MORC2: variants seen among roughly 807,000 people sequenced by gnomAD.
The protein encoded by MORC2 is MORC family CW-type zinc finger 2.
In MORC2, 30 loss-of-function variants were observed where a neutral mutation model predicts 136.0. The observed-to-expected ratio is 0.22, with a 90% CI of 0.17 to 0.30. MORC2 has a LOEUF of 0.30. MORC2 is among the 10% of genes least tolerant of loss of function. The pLI is 1.00. For synonymous variants in MORC2, 439 were observed against 487.0 expected, an observed-to-expected ratio of 0.90 and a Z score of 1.30; for missense variants, 922 against 1,333.1, an observed-to-expected ratio of 0.69 and a Z score of 4.80.
chr22:30,928,342 G>A (rs926279254), intron 24 of MORC2, 135 bp from the exon 25 acceptor site: 23 of 780,622 alleles, frequency 2.9e-5, no homozygotes, highest in African/African-American at 5.2e-5. Flanking sequence ...GATACAAAGG[G>A]CAAACAGCCT....
At chr22:30,954,679 G>A (rs1173208607) in intron 3 of MORC2, among the ~76,000 whole-genome samples, 1 of 152,136 alleles carries the variant, frequency 6.6e-6, no homozygotes, top group Non-Finnish European at 1.5e-5. Flanking sequence ...TGAGTGTCAG[G>A]AACTAAACTT....
At chr22:30,967,295 T>A (rs981208075) in intron 1 of MORC2, 1 of 986,770 alleles carries the variant, frequency 1.0e-6, no homozygotes, top group Non-Finnish European at 1.2e-6. Context: ...CGTTTCCTGT[T>A]TAGCATATAC....
intron 9 of MORC2, 43 bp from the exon 10 acceptor site, chr22:30,940,880 G>A (rs2040733548): frequency 6.5e-7 from 1 of 1,550,220 alleles, no homozygotes; most frequent in African/African-American, 1.4e-5. Flanking sequence ...CGCAGCAGTG[G>A]GGCAGGTGGC....
At position 30,941,597 on chromosome 22, in the gene MORC2, C is replaced by CCACAACAGGCCTGACCAAGGG; in HGVS notation, c.699-60_699-40dup. Reference sequence around the variant, plus strand: ...AAACAGAGAAGTGCTGTCACCTGCTCCACAACAGGCCTGACCAAGGGCACA... The same window carrying CCACAACAGGCCTGACCAAGGG: ...AAACAGAGAAGTGCTGTCACCTGCTCCACAACAGGCCTGACCAAGGGCACAACAGGCCTGACCAAGGGCACA... On this transcript the variant is annotated intron_variant, in intron 8 of 25. Coordinates refer to ENST00000397641, the MANE Select transcript of MORC2 (RefSeq NM_001303256.3). The surrounding 1 kb of genome is among the most constrained non-coding windows in gnomAD (Gnocchi z 4.6). 6.3e-7 allele frequency: 1 copy of CCACAACAGGCCTGACCAAGGG among 1,598,740 alleles called. No individual in the cohort carries two copies. The highest frequency in any genetic ancestry group is 8.6e-7 in the Non-Finnish European group (1 of 1,169,148).
intron 3 of MORC2, among the ~76,000 whole-genome samples, chr22:30,953,396 T>C (rs935532102): frequency 1.3e-5 from 2 of 152,250 alleles, no homozygotes; most frequent in Admixed American, 1.3e-4. Flanking sequence ...AGTCTGCACA[T>C]CTCCCAGAAT....
intron 24 of MORC2, among the ~76,000 whole-genome samples, chr22:30,928,950 T>C (rs2040531645): frequency 6.6e-6 from 1 of 152,284 alleles, no homozygotes; most frequent in Non-Finnish European, 1.5e-5. Flanking sequence ...GCCACTGTGA[T>C]GAACACACAC....
At chr22:30,951,528 T>C (rs2040886256) in intron 3 of MORC2, among the ~76,000 whole-genome samples, 1 of 152,224 alleles carries the variant, frequency 6.6e-6, no homozygotes, top group East Asian at 1.9e-4. Flanking sequence ...ACTTCCCATA[T>C]AGATGCTATT....
intron 3 of MORC2, among the ~76,000 whole-genome samples, chr22:30,955,092 G>T (rs1199104772): frequency 6.6e-6 from 1 of 151,602 alleles, no homozygotes; most frequent in Non-Finnish European, 1.5e-5. Flanking sequence ...CCGAGTAGCT[G>T]GGATTAGAGG....
intron 3 of MORC2, among the ~76,000 whole-genome samples, chr22:30,956,499 T>G (rs2040969992): frequency 6.6e-6 from 1 of 152,206 alleles, no homozygotes; most frequent in African/African-American, 2.4e-5. Context: ...TTCCACTCCA[T>G]CACTTCCATA....
At position 30,942,232 on chromosome 22, in the gene MORC2, C is replaced by G. The variant is rs746347871; in HGVS notation, c.466G>C (p.Glu156Gln). ...TTCTCTACATTGTCTGTGACAGGTT[C>G]CCGGGTCCGAGCATTCCAGGTGGGC... ...PLPTWNARTREPVTDNVEKFA... is the reference protein window; with the variant it reads ...PLPTWNARTRQPVTDNVEKFA... The change falls in exon 7 of 26, where the codon GAA (glutamate) becomes CAA (glutamine). Residue 156 changes from glutamate (E) to glutamine (Q), a missense_variant. Physicochemically the swap from Glu to Gln is conservative, Grantham distance 29. Around this residue, in one of 9 missense-constraint regions of MORC2, gnomAD observed 261 missense variants for 354.3 expected, o/e 0.74. Transcript: ENST00000397641. The G allele has an allele frequency of 1.9e-6, 3 of 1,613,672 alleles. No individual in the cohort carries two copies. In the South Asian group the frequency reaches 3.3e-5, roughly 18 times the overall value.
chr22:30,952,737 ACTT>A, intron 3 of MORC2, among the ~76,000 whole-genome samples: 1 of 152,326 alleles, frequency 6.6e-6, no homozygotes, highest in African/African-American at 2.4e-5. Context: ...TTTAATGACT[ACTT>A]AGTGATCAGC....
In MORC2 at chr22:30,935,092, T is replaced by C. The variant is rs1267147618; in HGVS notation, c.1882A>G (p.Arg628Gly). Residue 628 changes from arginine (R) to glycine (G), a missense_variant, in exon 19 of 26, where the codon AGA (arginine) becomes GGA (glycine). Physicochemically the swap from Arg to Gly is moderately radical, Grantham distance 125 (BLOSUM62 -2). This residue lies in a region of MORC2 where 184 missense variants were observed against 180.3 expected (regional missense o/e 1.02). Coordinates refer to ENST00000397641, the MANE Select transcript of MORC2 (RefSeq NM_001303256.3). The part of the protein sequence containing the change: ...LPAVIRNAPS[R>G]PPSLPTPRPA... Reference sequence around the variant, plus strand: ...CTAGGAGTTGGCAAAGAAGGGGGTCTGCTGGGGGCGTTCCTGATCACAGCA... The same window carrying C: ...CTAGGAGTTGGCAAAGAAGGGGGTCCGCTGGGGGCGTTCCTGATCACAGCA... The C allele has an allele frequency of 6.2e-7, 1 of 1,613,608 alleles. No individual in the cohort carries two copies. Among genetic ancestry groups the C allele is most frequent in the Non-Finnish European group, 8.5e-7 (1 of 1,179,958 alleles).
chr22:30,945,150 T>A (rs1164680600), intron 6 of MORC2, among the ~76,000 whole-genome samples: 2 of 152,164 alleles, frequency 1.3e-5, no homozygotes, highest in African/African-American at 4.8e-5. Flanking sequence ...CCATCCTCAG[T>A]CCTGTATCAG....
At chr22:30,946,134 C>CT (rs1358790759) in intron 6 of MORC2, among the ~76,000 whole-genome samples, 1 of 152,190 alleles carries the variant, frequency 6.6e-6, no homozygotes, top group African/African-American at 2.4e-5. Flanking sequence ...CTGAAGTGCT[C>CT]TGAGATTTTG....
At position 30,935,066 on chromosome 22, in the gene MORC2, T is replaced by C. The variant is rs747199830; in HGVS notation, c.1908A>G (p.Arg636=). 6.2e-7 allele frequency: 1 copy of C among 1,613,552 alleles called. No homozygotes were observed. Among genetic ancestry groups the C allele is most frequent in the Non-Finnish European group, 8.5e-7 (1 of 1,179,926 alleles). Residue 636 remains arginine (R), a synonymous_variant, in exon 19 of 26, where the codon AGA becomes AGG. Transcript: ENST00000397641. ...GAGCCTTTCGGGGCTGGCTGGCTGG[T>C]CTAGGAGTTGGCAAAGAAGGGGGTC... ...PSRPPSLPTP[R]PASQPRKAPV...
In MORC2 at chr22:30,934,692, G is replaced by C. The variant is rs2040625635; in HGVS notation, c.2193+89C>G. Reference sequence around the variant, plus strand: ...AGCTTTAGATTCAGTATCTTCCGAAGGCTCCCCCAGTACAGCTGTGACACT... The same window carrying C: ...AGCTTTAGATTCAGTATCTTCCGAACGCTCCCCCAGTACAGCTGTGACACT... On this transcript the variant is annotated intron_variant, in intron 19 of 25. Coordinates refer to ENST00000397641, the MANE Select transcript of MORC2 (RefSeq NM_001303256.3). This position sits in a 1 kb window ranked among gnomAD's most constrained non-coding sequence, Gnocchi z 4.4. 1 of 1,512,894 alleles carries C rather than the reference G, an allele frequency of 6.6e-7. No individual in the cohort carries two copies. The highest frequency in any genetic ancestry group is 1.4e-5 in the African/African-American group (1 of 72,468). 93.7% of individuals were successfully genotyped at this position (1,512,894 alleles called of 1,614,324 possible).
chr22:30,946,904 G>T (rs762560174), intron 5 of MORC2, among the ~76,000 whole-genome samples: 12 of 151,996 alleles, frequency 7.9e-5, no homozygotes, highest in Non-Finnish European at 1.0e-4. Context: ...CATCTTCCAT[G>T]CTGACCACCC....
rs369960820 is a variant in MORC2 at position 30,932,839 on chromosome 22, G to C, written c.2522+50C>G. 8.1e-6 allele frequency: 13 copies of C among 1,613,222 alleles called. No homozygotes were observed. In the East Asian group the frequency reaches 2.9e-4, roughly 36 times the overall value. ...AGGATGGGCTGCTGGCAGGGAGGCC[G>C]GGGATACCTCCTTCGAGGAACCACT... On this transcript the variant is annotated intron_variant, in intron 22 of 25. Coordinates refer to ENST00000397641, the MANE Select transcript of MORC2 (RefSeq NM_001303256.3). The surrounding 1 kb of genome is among the most constrained non-coding windows in gnomAD (Gnocchi z 4.4).
chr22:30,952,510 C>T (rs1465289403), intron 3 of MORC2, among the ~76,000 whole-genome samples: 5 of 152,158 alleles, frequency 3.3e-5, no homozygotes, highest in East Asian at 1.9e-4. Flanking sequence ...AAAGCTTTTT[C>T]GTGTAGTTTA....
Sources: allele counts gnomAD v4.1 joint callset (sites outside exome capture counted in the v4.1 genomes callset), GRCh38; gene constraint gnomAD v4.1.1; regional missense constraint gnomAD v4.1.1; non-coding constraint Gnocchi (gnomAD v3.1); transcripts MANE v1.5; gene names NCBI Gene and HGNC (gene_info 2026-07-23, HGNC 2026-07-21).